LRRC42: variants seen among roughly 807,000 people sequenced by gnomAD.
LRRC42 encodes the protein leucine rich repeat containing 42, also known as leucine-rich repeat-containing protein 42.
Under a neutral mutation model 44.3 loss-of-function variants are expected in LRRC42, and 43 were observed. The observed-to-expected ratio is 0.97, with a 90% CI of 0.76 to 1.25. The LOEUF (loss-of-function observed/expected upper bound fraction) is 1.25. Among genes scored for constraint, LRRC42 ranks in the 50% most tolerant of loss-of-function variants. The probability of loss-of-function intolerance (pLI) is 0.00; values close to 1 mark genes in which losing one functional copy is unlikely to be tolerated. For synonymous variants in LRRC42, 207 were observed against 195.2 expected, an observed-to-expected ratio of 1.06 and a Z score of -0.50; for missense variants, 540 against 509.1, an observed-to-expected ratio of 1.06 and a Z score of -0.58.
rs116575315 is a variant in LRRC42 at position 53,964,741 on chromosome 1, A to G, written c.928-1555A>G. 9.3e-3 allele frequency among the ~76,000 whole-genome samples: 1,419 copies of G among 152,284 alleles called. 29 individuals are homozygous for G. Among genetic ancestry groups the G allele is most frequent in the African/African-American group, 0.033 (1,353 of 41,552 alleles). On this transcript the variant is annotated intron_variant, in intron 7 of 8. Coordinates refer to ENST00000371370, the MANE Select transcript of LRRC42 (RefSeq NM_001256409.2). Reference sequence around the variant, plus strand: ...CTCATTTAATCCTTAAAACAGCCCTATGGAATGTGTACTATCATTGATCCT... The same window carrying G: ...CTCATTTAATCCTTAAAACAGCCCTGTGGAATGTGTACTATCATTGATCCT...
chr1:53,967,986 T>C lies in LRRC42; in HGVS notation c.*47T>C, dbSNP rs761979621. 6.4e-7 allele frequency: 1 copy of C among 1,569,490 alleles called. No individual in the cohort carries two copies. Among genetic ancestry groups the C allele is most frequent in the Non-Finnish European group, 8.7e-7 (1 of 1,154,694 alleles). Reference sequence around the variant, plus strand: ...TTCTCTGGCCCCCAGCTCTAGTGTTTGAGTAAAGGAGACTGAGGATGATTT... The same window carrying C: ...TTCTCTGGCCCCCAGCTCTAGTGTTCGAGTAAAGGAGACTGAGGATGATTT... On this transcript the variant is annotated 3_prime_UTR_variant, in exon 9 of 9. Transcript: ENST00000371370.
At chr1:53,962,434 G>C (rs113731812) in intron 7 of LRRC42, 25 bp downstream of exon 7, 1 of 1,375,858 alleles carries the variant, frequency 7.3e-7, no homozygotes, top group African/African-American at 1.4e-5. Flanking sequence ...TCTTCCTTGC[G>C]GTTGATGCAG....
chr1:53,956,893 A>G (rs746972179), intron 3 of LRRC42, among the ~76,000 whole-genome samples: 4 of 152,084 alleles, frequency 2.6e-5, no homozygotes, highest in Admixed American at 6.6e-5. Context: ...ACACACTTCA[A>G]CTCTGTGATT....
intron 3 of LRRC42, among the ~76,000 whole-genome samples, chr1:53,954,227 A>C (rs888334559): frequency 4.5e-4 from 68 of 152,246 alleles, no homozygotes; most frequent in African/African-American, 1.5e-3. Context: ...TTTAAAAAGA[A>C]AAGACATAAA....
intron 4 of LRRC42, among the ~76,000 whole-genome samples, chr1:53,960,084 C>T (rs1654953495): frequency 6.6e-6 from 1 of 152,054 alleles, no homozygotes; most frequent in Non-Finnish European, 1.5e-5. Flanking sequence ...CCTTGGCTAG[C>T]TAATTTTTTA....
intron 8 of LRRC42, among the ~76,000 whole-genome samples, chr1:53,967,460 T>C (rs781527809): frequency 9.2e-5 from 14 of 152,206 alleles, no homozygotes; most frequent in Non-Finnish European, 1.6e-4. Context: ...AGGATTTAAA[T>C]CCAAATCTGT....
intron 4 of LRRC42, among the ~76,000 whole-genome samples, 192 bp downstream of exon 4, chr1:53,958,472 A>C (rs1007963345): frequency 1.3e-5 from 2 of 152,258 alleles, no homozygotes; most frequent in Non-Finnish European, 2.9e-5. Flanking sequence ...AAAGTCAGTC[A>C]GTTGACTCAA....
chr1:53,953,643 G>A (rs1654754580), intron 3 of LRRC42, among the ~76,000 whole-genome samples: 1 of 151,990 alleles, frequency 6.6e-6, no homozygotes, highest in African/African-American at 2.4e-5. Context: ...ACAGGCGTGA[G>A]CCACCACGCC....
chr1:53,955,275 A>G (rs1369925104), intron 3 of LRRC42, among the ~76,000 whole-genome samples: 1 of 152,162 alleles, frequency 6.6e-6, no homozygotes, highest in African/African-American at 2.4e-5. Context: ...TTACATTTAT[A>G]TAATAATCAG....
chr1:53,962,551 A>G (rs1166021035), intron 7 of LRRC42, 142 bp downstream of exon 7: 8 of 654,360 alleles, frequency 1.2e-5, no homozygotes, highest in Admixed American at 7.0e-5. Context: ...GGAGACACTG[A>G]TGGGCTATAA....
intron 4 of LRRC42, among the ~76,000 whole-genome samples, chr1:53,959,665 T>C (rs1654941391): frequency 1.3e-5 from 2 of 152,260 alleles, no homozygotes. Flanking sequence ...TGGTTAAATT[T>C]AGAGGATTGT....
Position 53,952,247 on chromosome 1 carries a change from G to C in LRRC42, c.248G>C (p.Arg83Pro). 1 of 1,614,204 alleles carries C rather than the reference G, an allele frequency of 6.2e-7. No individual in the cohort carries two copies. Among genetic ancestry groups the C allele is most frequent in the Non-Finnish European group, 8.5e-7 (1 of 1,180,036 alleles). Residue 83 changes from arginine to proline, a missense_variant, in exon 3 of 9, where the codon CGG (arginine) becomes CCG (proline). Coordinates refer to ENST00000371370, the MANE Select transcript of LRRC42 (RefSeq NM_001256409.2). ...ACATACACCCGAGAGGGGAATCTTC[G>C]GTACTCCGCCAAATCCCTCTTCAGC... ...IFTYTREGNL[R>P]YSAKSLFSLV...
intron 7 of LRRC42, 23 bp from the exon 8 acceptor site, chr1:53,966,272 CA>C: frequency 3.2e-6 from 5 of 1,587,186 alleles, no homozygotes; most frequent in Non-Finnish European, 4.3e-6. Context: ...TGTTTGGATT[CA>C]AATCTTTCCA....
At chr1:53,950,190 A>C (rs1654633366) in intron 2 of LRRC42, among the ~76,000 whole-genome samples, 1 of 152,210 alleles carries the variant, frequency 6.6e-6, no homozygotes, top group Non-Finnish European at 1.5e-5. Flanking sequence ...AAGAGGGACG[A>C]AGTTAATGAT....
chr1:53,962,633 C>G (rs1655030042), intron 7 of LRRC42, among the ~76,000 whole-genome samples: 1 of 152,172 alleles, frequency 6.6e-6, no homozygotes, highest in Non-Finnish European at 1.5e-5. Context: ...TGTGCCTTAT[C>G]TTTACTGGAC....
intron 4 of LRRC42, among the ~76,000 whole-genome samples, chr1:53,959,919 CTT>C (rs767888306): frequency 1.8e-4 from 25 of 136,544 alleles, no homozygotes; most frequent in Admixed American, 2.2e-4. Flanking sequence ...ACCAAAAAAT[CTT>C]TTTTTTTTTT....
At chr1:53,957,084 A>C (rs906665779) in intron 3 of LRRC42, among the ~76,000 whole-genome samples, 2 of 152,208 alleles carry the variant, frequency 1.3e-5, no homozygotes, top group Admixed American at 6.5e-5. Context: ...GTTTGAGTAC[A>C]TCTTTTTTTG....
Position 53,967,980 on chromosome 1 carries a change from A to C in LRRC42, c.*41A>C. On this transcript the variant is annotated 3_prime_UTR_variant, in exon 9 of 9. Coordinates refer to ENST00000371370, the MANE Select transcript of LRRC42 (RefSeq NM_001256409.2). ...TGACCTTTCTCTGGCCCCCAGCTCT[A>C]GTGTTTGAGTAAAGGAGACTGAGGA... 4 of 1,585,244 alleles carry C rather than the reference A, an allele frequency of 2.5e-6. No homozygotes were observed. Among genetic ancestry groups the C allele is most frequent in the Non-Finnish European group, 3.4e-6 (4 of 1,163,512 alleles).
chr1:53,957,948 A>G (rs1412346985), intron 3 of LRRC42, among the ~76,000 whole-genome samples: 1 of 151,430 alleles, frequency 6.6e-6, no homozygotes, highest in African/African-American at 2.5e-5. Flanking sequence ...TTTTTATTCT[A>G]CCATCACATA....
Sources: gnomAD v4.1 joint callset for allele counts (sites outside exome capture counted in the v4.1 genomes callset) on GRCh38, gnomAD v4.1.1 for gene constraint, MANE v1.5 for transcripts, NCBI Gene and HGNC (gene_info 2026-07-23, HGNC 2026-07-21) for gene names.